ZP3: variants seen among roughly 807,000 people sequenced by gnomAD.
ZP3 encodes zona pellucida sperm-binding protein 3.
ZP3 carries 21 observed loss-of-function variants against 35.6 expected under a neutral mutation model. The observed-to-expected ratio is 0.59, with a 90% confidence interval of 0.42 to 0.85. The LOEUF (loss-of-function observed/expected upper bound fraction) is 0.85. ZP3 is among the 40% of genes least tolerant of loss of function. The pLI is 0.00. For synonymous variants in ZP3, 207 were observed against 214.5 expected, an observed-to-expected ratio of 0.96 and a Z score of 0.31; for missense variants, 437 against 536.5, an observed-to-expected ratio of 0.81 and a Z score of 1.83.
At chr7:76,406,309 G>T (rs962300017) in intron 1 of ZP3, among the ~76,000 whole-genome samples, 9 of 152,112 alleles carry the variant, frequency 5.9e-5, no homozygotes, top group African/African-American at 1.9e-4. Context: ...TGGTGCCACG[G>T]ACAGCAACCC....
chr7:76,422,678 CAAA>C (rs762988192), upstream of ZP3, among the ~76,000 whole-genome samples: 4 of 97,110 alleles, frequency 4.1e-5, no homozygotes, highest in Non-Finnish European at 2.1e-5. Flanking sequence ...GATTCCGTCT[CAAA>C]AAAAAAAAAA....
At chr7:76,441,735 A>T (rs1806206523) in intron 7 of ZP3, 107 bp from the exon 8 acceptor site, 1 of 1,126,420 alleles carries the variant, frequency 8.9e-7, no homozygotes, top group Non-Finnish European at 1.3e-6. Context: ...TAGCCCACAC[A>T]AAAAAGACAA....
Position 76,425,138 on chromosome 7 carries a change from C to A in ZP3, c.174C>A (p.Asp58Glu). 1.9e-6 allele frequency: 3 copies of A among 1,613,976 alleles called. No individual in the cohort carries two copies. The highest frequency in any genetic ancestry group is 2.5e-6 in the Non-Finnish European group (3 of 1,180,010). Reference protein sequence around the residue: ...EATLMVMVSKDLFGTGKLIRA... With the variant: ...EATLMVMVSKELFGTGKLIRA... ...CTCTGATGGTCATGGTCAGCAAAGA[C>A]CTTTTTGGCACCGGGAAGCTCATCA... is the stretch of plus-strand genomic sequence containing the variant. Residue 58 changes from aspartate to glutamate, a missense_variant, in exon 1 of 8, where the codon GAC (aspartate) becomes GAA (glutamate). Physicochemically the swap from Asp to Glu is conservative, Grantham distance 45. Coordinates refer to ENST00000394857, the MANE Select transcript of ZP3 (RefSeq NM_001110354.2).
At chr7:76,426,777 C>T (rs1177570449) in intron 1 of ZP3, among the ~76,000 whole-genome samples, 1 of 151,486 alleles carries the variant, frequency 6.6e-6, no homozygotes, top group Non-Finnish European at 1.5e-5. Context: ...CGCCTATAAT[C>T]CCAGCACTTT....
At chr7:76,436,039 T>C (rs1175789920) in intron 5 of ZP3, among the ~76,000 whole-genome samples, 317 of 18,916 alleles carry the variant, frequency 0.017, no homozygotes, top group South Asian at 0.027. Flanking sequence ...CCTTTTTTTT[T>C]TTTTTTTTTT....
intron 1 of ZP3, among the ~76,000 whole-genome samples, chr7:76,398,187 T>G: frequency 6.6e-6 from 1 of 152,138 alleles, no homozygotes; most frequent in South Asian, 2.1e-4. Flanking sequence ...CTTCTTTGCC[T>G]CTTTCACTGT....
At chr7:76,398,664 GGTGTGA>G in intron 1 of ZP3, 1 of 1,538,514 alleles carries the variant, frequency 6.5e-7, no homozygotes, top group Non-Finnish European at 9.0e-7. Flanking sequence ...CCTAGGGTAG[GGTGTGA>G]GAGACTCCTC....
At chr7:76,409,335 A>AGT (rs1483634395) in intron 1 of ZP3, 5 of 147,856 alleles carry the variant, frequency 3.4e-5, no homozygotes, top group African/African-American at 1.0e-4. Flanking sequence ...ACACACACAC[A>AGT]CACACACACA....
At chr7:76,414,633 A>G (rs559650844) in intron 1 of ZP3, among the ~76,000 whole-genome samples, 29 of 145,430 alleles carry the variant, frequency 2.0e-4, no homozygotes, top group African/African-American at 7.1e-4. Context: ...AGACCTTCTC[A>G]TGCAGGAACA....
intron 1 of ZP3, among the ~76,000 whole-genome samples, chr7:76,426,905 C>CAG (rs1805678372): frequency 7.3e-6 from 1 of 137,820 alleles, no homozygotes; most frequent in Non-Finnish European, 1.6e-5. Context: ...CACACACACA[C>CAG]ACAATAGGGT....
At chr7:76,426,874 C>CCACACACACACACACACACACACACA (rs369991319) in intron 1 of ZP3, among the ~76,000 whole-genome samples, 5 of 126,758 alleles carry the variant, frequency 3.9e-5, no homozygotes, top group Admixed American at 8.3e-5. Context: ...CTACCAAACA[C>CCACACACACACACACACACACACACA]CACACACACA....
rs369991319 is a variant in ZP3 at position 76,426,874 on chromosome 7, CCACACACACA to C, written c.312+1623_312+1632del. Among the ~76,000 whole-genome samples the C allele has an allele frequency of 5.5e-5, 7 of 126,692 alleles. No individual in the cohort carries two copies. The South Asian group carries it at 8.4e-4, about 15-fold the overall frequency. The allele number at this position is 126,692 out of a possible 152,430, so 83.1% of individuals were successfully genotyped here. A position where few individuals can be genotyped will look rare whatever the true frequency, so the allele number is the denominator to read the frequency against. On this transcript the variant is annotated intron_variant, in intron 1 of 7. Coordinates refer to ENST00000394857, the MANE Select transcript of ZP3 (RefSeq NM_001110354.2). ...ATGAGACCCCCTTCTCTACCAAACA[CCACACACACA>C]CACACACACACACACACACACACAA...
At position 76,425,041 on chromosome 7, in the gene ZP3, G is replaced by A. The variant is rs1805607521; in HGVS notation, c.77G>A (p.Trp26Ter). ...STELCYPQPLWLLQGGASHPE... is the reference protein window; with the variant it reads ...STELCYPQPL ...GAGCTGTGCTACCCCCAACCCCTCT[G>A]GCTCTTGCAGGGTGGAGCCAGCCAT... The change falls in exon 1 of 8, where the codon TGG becomes TAG. Residue 26 changes from tryptophan (W) to a stop codon, truncating the protein, a stop_gained. Coordinates refer to ENST00000394857, the MANE Select transcript of ZP3 (RefSeq NM_001110354.2). LOFTEE classifies it high-confidence loss of function. 2.5e-6 allele frequency: 4 copies of A among 1,605,050 alleles called. No individual in the cohort carries two copies. Among genetic ancestry groups the A allele is most frequent in the Non-Finnish European group, 3.4e-6 (4 of 1,176,136 alleles).
chr7:76,418,339 T>C (rs968178146), intron 1 of ZP3, among the ~76,000 whole-genome samples: 1 of 151,670 alleles, frequency 6.6e-6, no homozygotes, highest in Non-Finnish European at 1.5e-5. Flanking sequence ...TCACTTGAGG[T>C]CAGGAGATCG....
At chr7:76,429,747 C>T (rs995952321) in intron 2 of ZP3, 114 bp downstream of exon 2, 10 of 880,466 alleles carry the variant, frequency 1.1e-5, no homozygotes, top group Middle Eastern at 2.9e-4. Flanking sequence ...AACTACCTAC[C>T]GAAGCATTTG....
chr7:76,406,978 G>A (rs1289802791), intron 1 of ZP3, among the ~76,000 whole-genome samples: 1 of 148,070 alleles, frequency 6.8e-6, no homozygotes, highest in African/African-American at 2.6e-5. Flanking sequence ...ATTTATTTTT[G>A]GAGACAGAGC....
upstream of ZP3, among the ~76,000 whole-genome samples, chr7:76,423,025 GAGAAAGAAAGAAAGAA>G (rs200948956): frequency 3.6e-4 from 27 of 75,852 alleles, no homozygotes; most frequent in East Asian, 1.1e-3. Flanking sequence ...GAGAGAGAGA[GAGAAAGAAAGAAAGAA>G]AGAAAGAAAG....
At position 76,425,217 on chromosome 7, in the gene ZP3, G is replaced by T. The variant is rs1805615216; in HGVS notation, c.253G>T (p.Asp85Tyr). The T allele has an allele frequency of 6.2e-6, 10 of 1,613,842 alleles. No homozygotes were observed. Among genetic ancestry groups the T allele is most frequent in the Non-Finnish European group, 8.5e-6 (10 of 1,179,998 alleles). Residue 85 changes from aspartate to tyrosine, a missense_variant, in exon 1 of 8, where the codon GAC (aspartate) becomes TAC (tyrosine). Transcript: ENST00000394857. ...GGCCTGTGAGCCTCTGGTCTCCATGGACACAGAAGATGTGGTCAGGTTTGA... is the reference window on the plus strand; with the variant it reads ...GGCCTGTGAGCCTCTGGTCTCCATGTACACAGAAGATGTGGTCAGGTTTGA... ...PEACEPLVSM[D>Y]TEDVVRFEVG...
At chr7:76,441,652 T>G (rs1328318423) in intron 7 of ZP3, among the ~76,000 whole-genome samples, 190 bp from the exon 8 acceptor site, 1 of 152,148 alleles carries the variant, frequency 6.6e-6, no homozygotes, top group Non-Finnish European at 1.5e-5. Flanking sequence ...CCTCCCAAAG[T>G]GCTGGGATTA....
Sources: gnomAD v4.1 joint callset for allele counts (sites outside exome capture counted in the v4.1 genomes callset) on GRCh38, gnomAD v4.1.1 for gene constraint, MANE v1.5 for transcripts, NCBI Gene and HGNC (gene_info 2026-07-23, HGNC 2026-07-21) for gene names.